Variants in TRPM3 observed in about 807,000 individuals in gnomAD.
TRPM3 encodes transient receptor potential cation channel subfamily M member 3.
In TRPM3, 77 loss-of-function variants were observed where a neutral mutation model predicts 181.2. That is an observed-to-expected ratio of 0.42 (90% CI 0.35 to 0.51). The LOEUF is 0.51. TRPM3 is among the 20% of genes least tolerant of loss of function. The pLI is 0.01. For synonymous variants in TRPM3, 745 were observed against 796.4 expected (o/e 0.94, Z 1.09); for missense variants, 1,759 against 2,196.7 (o/e 0.80, Z 3.98).
intron 1 of TRPM3, among the ~76,000 whole-genome samples, chr9:71,366,508 T>C (rs2092340241): frequency 6.6e-6 from 1 of 152,048 alleles, no homozygotes; most frequent in African/African-American, 2.4e-5. Context: ...AATATGAGTC[T>C]CCACACCTAA....
chr9:71,417,262 AC>A (rs578118727), intron 1 of TRPM3, among the ~76,000 whole-genome samples: 3 of 152,082 alleles, frequency 2.0e-5, no homozygotes, highest in Admixed American at 2.0e-4. Context: ...CTCATTAATA[AC>A]ACATGTGAGT....
At chr9:70,664,807 C>A (rs1047732749) in intron 9 of TRPM3, among the ~76,000 whole-genome samples, 1 of 151,942 alleles carries the variant, frequency 6.6e-6, no homozygotes, top group Non-Finnish European at 1.5e-5. Flanking sequence ...CACACCACCA[C>A]CCCCGGCTAA....
intron 1 of TRPM3, among the ~76,000 whole-genome samples, chr9:71,293,614 A>G (rs2086010538): frequency 1.3e-5 from 2 of 151,726 alleles, no homozygotes; most frequent in African/African-American, 4.8e-5. Flanking sequence ...TGGAAAAAAA[A>G]AAGCTCAATA....
intron 1 of TRPM3, among the ~76,000 whole-genome samples, chr9:71,022,997 T>C (rs776032586): frequency 6.6e-6 from 1 of 152,046 alleles, no homozygotes; most frequent in African/African-American, 2.4e-5. Context: ...ATTTGATCAA[T>C]TGAATCTTAT....
intron 22 of TRPM3, among the ~76,000 whole-genome samples, chr9:70,567,395 C>T (rs1317292540): frequency 2.6e-5 from 4 of 152,232 alleles, no homozygotes; most frequent in African/African-American, 9.6e-5. Context: ...CATGCACATA[C>T]ACAGCAAAGA....
At chr9:70,572,624 G>T (rs2052753488) in intron 22 of TRPM3, among the ~76,000 whole-genome samples, 1 of 152,074 alleles carries the variant, frequency 6.6e-6, no homozygotes, top group Non-Finnish European at 1.5e-5. Context: ...ATTTGAGTTT[G>T]TCTGATTTTT....
intron 1 of TRPM3, among the ~76,000 whole-genome samples, chr9:71,399,526 G>GTTTTTTTTTTTT (rs1166936123): frequency 1.6e-5 from 1 of 62,684 alleles, no homozygotes; most frequent in African/African-American, 4.5e-5. Context: ...ATTTTCTTTT[G>GTTTTTTTTTTTT]TTTTTTTTTT....
rs1565556853 is a variant in TRPM3 at position 71,420,713 on chromosome 9, A to AAAG, written c.183+25939_183+25940insCTT. On this transcript the variant is annotated intron_variant, in intron 1 of 24. Transcript: ENST00000357533. ...AGGGAAAGAGAAAGAGAGAGAAAGA[A>AAAG]AGAGAGAAAGAGAGAGAGAGAGAAA... Among the ~76,000 whole-genome samples, 43 of 20,618 alleles carry AAAG rather than the reference A, an allele frequency of 2.1e-3. 2 individuals carry two copies. Among genetic ancestry groups the AAAG allele is most frequent in the Non-Finnish European group, 3.7e-3 (35 of 9,556 alleles). The allele number at this position is 20,618 out of a possible 152,430, so 13.5% of individuals were successfully genotyped here.
At chr9:70,661,626 A>G (rs561397564) in intron 9 of TRPM3, among the ~76,000 whole-genome samples, 1 of 152,190 alleles carries the variant, frequency 6.6e-6, no homozygotes, top group East Asian at 1.9e-4. Flanking sequence ...AAAATCAGTA[A>G]CACTGGAATA....
intron 8 of TRPM3, among the ~76,000 whole-genome samples, chr9:70,696,734 A>G (rs1172646973): frequency 6.6e-6 from 1 of 152,234 alleles, no homozygotes. Flanking sequence ...TTGTAAACAG[A>G]TACGAGATTA....
chr9:71,248,218 A>G (rs1306757130), intron 1 of TRPM3, among the ~76,000 whole-genome samples: 1 of 152,232 alleles, frequency 6.6e-6, no homozygotes, highest in Non-Finnish European at 1.5e-5. Context: ...GTGACTTAGT[A>G]AACTGAATAG....
At chr9:70,786,413 AG>A (rs1286393231) in intron 6 of TRPM3, among the ~76,000 whole-genome samples, 14 of 150,194 alleles carry the variant, frequency 9.3e-5, no homozygotes, top group Non-Finnish European at 1.9e-4. Context: ...TGATCCCGGG[AG>A]GCAGAGGCTG....
chr9:71,069,882 A>G (rs2133514440), intron 1 of TRPM3, among the ~76,000 whole-genome samples: 1 of 152,272 alleles, frequency 6.6e-6, no homozygotes, highest in Middle Eastern at 3.4e-3. Context: ...TGCTGGGACT[A>G]CAGGCGTGAG....
At chr9:70,758,277 T>A (rs2135230402) in intron 8 of TRPM3, among the ~76,000 whole-genome samples, 1 of 152,256 alleles carries the variant, frequency 6.6e-6, no homozygotes, top group East Asian at 1.9e-4. Context: ...TTACAAGGGA[T>A]GTGAAGGACC....
At chr9:71,401,781 T>C (rs950441360) in intron 1 of TRPM3, among the ~76,000 whole-genome samples, 1 of 152,150 alleles carries the variant, frequency 6.6e-6, no homozygotes, top group African/African-American at 2.4e-5. Flanking sequence ...GCTTGCCATT[T>C]CAAAGGACAT....
At chr9:71,192,229 A>T (rs781409179) in intron 1 of TRPM3, among the ~76,000 whole-genome samples, 63 of 151,822 alleles carry the variant, frequency 4.1e-4, no homozygotes, top group Non-Finnish European at 7.1e-4. Flanking sequence ...AGATTTGGGA[A>T]TTTGAATCAA....
Position 70,761,643 on chromosome 9 carries a change from A to G in TRPM3, c.1230T>C (p.His410=). Residue 410 remains histidine, a synonymous_variant, in exon 8 of 26, where the codon CAT becomes CAC. Transcript: ENST00000677713. ...TFTYTRTQAQ[H]LFIILMECMK... is the part of the protein sequence containing the mutation. ...TGCACTCCATGAGGATGATGAACAG[A>G]TGCTGAGCTTGGGTTCGAGTGTATG... The G allele has an allele frequency of 6.2e-7, 1 of 1,614,004 alleles. No homozygotes were observed. The highest frequency in any genetic ancestry group is 8.5e-7 in the Non-Finnish European group (1 of 1,179,946).
At chr9:70,648,200 T>A (rs1394562997) in intron 9 of TRPM3, among the ~76,000 whole-genome samples, 1 of 152,098 alleles carries the variant, frequency 6.6e-6, no homozygotes, top group Non-Finnish European at 1.5e-5. Flanking sequence ...ACTGGCCAGG[T>A]TTGGTGGCTT....
intron 1 of TRPM3, among the ~76,000 whole-genome samples, chr9:71,357,761 T>C (rs1329179745): frequency 6.6e-6 from 1 of 152,050 alleles, no homozygotes; most frequent in African/African-American, 2.4e-5. Context: ...CATCTTTTTC[T>C]TATCTTTTCT....
Sources: allele counts gnomAD v4.1 joint callset (sites outside exome capture counted in the v4.1 genomes callset), GRCh38; gene constraint gnomAD v4.1.1; transcripts MANE v1.5; gene names NCBI Gene and HGNC (gene_info 2026-07-23, HGNC 2026-07-21).